The following CDH4 variants were observed in gnomAD, a reference collection of about 807,000 sequenced individuals.
CDH4 encodes cadherin-4.
Under a neutral mutation model 86.0 loss-of-function variants are expected in CDH4, and 33 were observed. The observed-to-expected ratio is 0.38, with a 90% CI of 0.29 to 0.51. CDH4 has a LOEUF of 0.51. Ranked by LOEUF, CDH4 falls within the 20% of genes least tolerant of loss-of-function variation. CDH4 has a pLI of 0.86. For missense variants in CDH4, 1,114 were observed against 1,307.4 expected, an observed-to-expected ratio of 0.85 and a Z score of 2.28; for synonymous variants, 555 against 549.4, an observed-to-expected ratio of 1.01 and a Z score of -0.14.
At chr20:61,452,004 C>T (rs1315180834) in intron 2 of CDH4, among the ~76,000 whole-genome samples, 3 of 152,324 alleles carry the variant, frequency 2.0e-5, no homozygotes, top group African/African-American at 4.8e-5. Flanking sequence ...GACATCCACC[C>T]CTTCAGTGTC....
intron 2 of CDH4, among the ~76,000 whole-genome samples, chr20:61,654,428 G>GGAGACC (rs1437229302): frequency 6.6e-6 from 1 of 152,150 alleles, no homozygotes; most frequent in Non-Finnish European, 1.5e-5. Flanking sequence ...AGAGGGAGAG[G>GGAGACC]GAGACCGTGG....
chr20:61,563,002 C>T (rs570431320), intron 2 of CDH4, among the ~76,000 whole-genome samples: 2 of 152,346 alleles, frequency 1.3e-5, no homozygotes, highest in Non-Finnish European at 1.5e-5. Context: ...TGGCCCTGCA[C>T]TGTGCTCACA....
rs370528799 is a variant in CDH4 at position 61,583,011 on chromosome 20, G to A, written c.170-160552G>A. On this transcript the variant is annotated intron_variant, in intron 2 of 15. Coordinates refer to ENST00000614565, the MANE Select transcript of CDH4 (RefSeq NM_001794.5). ...TCGACTTCCCTGTTCTGGGCACTGCGCATGAGAGAATTGTACAGTGTGTGG... is the reference window on the plus strand; with the variant it reads ...TCGACTTCCCTGTTCTGGGCACTGCACATGAGAGAATTGTACAGTGTGTGG... Among the ~76,000 whole-genome samples, 8 of 151,938 alleles carry A rather than the reference G, an allele frequency of 5.3e-5. No homozygotes were observed. In the East Asian group the frequency reaches 7.8e-4, roughly 15 times the overall value.
chr20:61,371,637 G>A (rs114488967), intron 2 of CDH4, among the ~76,000 whole-genome samples: 4 of 152,192 alleles, frequency 2.6e-5, no homozygotes, highest in Admixed American at 6.5e-5. Flanking sequence ...TGCGGGCCCC[G>A]AGCCCCTACC....
chr20:61,886,422 T>C (rs1057145293), intron 7 of CDH4, among the ~76,000 whole-genome samples: 10 of 152,246 alleles, frequency 6.6e-5, no homozygotes, highest in Non-Finnish European at 4.4e-5. Context: ...CACTGTGGTT[T>C]TCTTCCCTCC....
At chr20:61,654,436 TG>T (rs1182457240) in intron 2 of CDH4, among the ~76,000 whole-genome samples, 2 of 152,084 alleles carry the variant, frequency 1.3e-5, no homozygotes, top group East Asian at 1.9e-4. Flanking sequence ...AGGGAGACCG[TG>T]GGGAGAGGGA....
At chr20:61,747,009 C>T (rs34048310) in intron 3 of CDH4, among the ~76,000 whole-genome samples, 10,205 of 152,296 alleles carry the variant, frequency 0.067, 446 homozygotes, top group South Asian at 0.16. Context: ...GTGCATCTCC[C>T]CCAGTGTGAA....
intron 7 of CDH4, among the ~76,000 whole-genome samples, chr20:61,884,988 C>A (rs1198347701): frequency 6.6e-6 from 1 of 152,096 alleles, no homozygotes; most frequent in African/African-American, 2.4e-5. Context: ...AAGGGTCAGT[C>A]TGCAGGCCCA....
At chr20:61,647,556 T>TCTCTCTCTCTCTCC (rs1568731977) in intron 2 of CDH4, among the ~76,000 whole-genome samples, 8 of 105,874 alleles carry the variant, frequency 7.6e-5, no homozygotes, top group African/African-American at 2.8e-4. Flanking sequence ...CCTCTCCCTC[T>TCTCTCTCTCTCTCC]CCCTCTCCCT....
At chr20:61,627,315 C>G (rs568433709) in intron 2 of CDH4, among the ~76,000 whole-genome samples, 2 of 152,290 alleles carry the variant, frequency 1.3e-5, no homozygotes, top group South Asian at 4.2e-4. Flanking sequence ...TAGGTGCCAG[C>G]CTGCCTGCCG....
intron 4 of CDH4, among the ~76,000 whole-genome samples, chr20:61,834,055 C>T (rs928124705): frequency 2.4e-4 from 36 of 152,318 alleles, no homozygotes; most frequent in South Asian, 8.3e-4. Context: ...CATTGGTCCA[C>T]GTGGGGTCCC....
intron 2 of CDH4, among the ~76,000 whole-genome samples, chr20:61,526,304 A>G (rs1249517736): frequency 6.6e-6 from 1 of 152,090 alleles, no homozygotes; most frequent in Non-Finnish European, 1.5e-5. Flanking sequence ...ACTTAACTTT[A>G]TGCAGAAGGA....
rs535075398 is a variant in CDH4, at chr20:61,873,856, G to A, written c.1006G>A (p.Glu336Lys). ...CCAGAATATGTTCACCATCAACAGC[G>A]AGACTGGAGATATCGTCACAGTGGC... The part of the protein sequence containing the change: ...PSQNMFTINS[E>K]TGDIVTVAAG... Residue 336 changes from glutamate to lysine, a missense_variant, in exon 7 of 16, where the codon GAG becomes AAG. Physicochemically the swap from Glu to Lys is moderately conservative, Grantham distance 56. Around this residue, in one of 3 missense-constraint regions of CDH4, gnomAD observed 705 missense variants for 914.1 expected, o/e 0.77. Transcript: ENST00000614565. The A allele has an allele frequency of 9.9e-5, 160 of 1,614,114 alleles. No individual in the cohort carries two copies. The highest frequency in any genetic ancestry group is 1.3e-4 in the Non-Finnish European group (156 of 1,180,028).
chr20:61,520,026 G>A (rs1033162423), intron 2 of CDH4, among the ~76,000 whole-genome samples: 16 of 152,182 alleles, frequency 1.1e-4, no homozygotes, highest in African/African-American at 3.4e-4. Context: ...ACAGACTTGC[G>A]TGTGTCAGTT....
At chr20:61,828,347 A>G (rs995497462) in intron 4 of CDH4, among the ~76,000 whole-genome samples, 169 of 152,284 alleles carry the variant, frequency 1.1e-3, no homozygotes, top group African/African-American at 3.9e-3. Context: ...TGGCCTCTGG[A>G]TCTTACCACC....
At chr20:61,904,910 T>A (rs1213878841) in intron 8 of CDH4, among the ~76,000 whole-genome samples, 1 of 152,254 alleles carries the variant, frequency 6.6e-6, no homozygotes, top group African/African-American at 2.4e-5. Flanking sequence ...GGGTGGGTTT[T>A]TCCTGAAACA....
At chr20:61,858,022 C>T (rs1232145929) in intron 6 of CDH4, among the ~76,000 whole-genome samples, 3 of 102,406 alleles carry the variant, frequency 2.9e-5, no homozygotes, top group South Asian at 3.4e-4. Flanking sequence ...TCTGTGTCTG[C>T]ATCTGTGTGT....
chr20:61,354,363 G>A (rs895611225), intron 2 of CDH4, among the ~76,000 whole-genome samples: 4 of 152,158 alleles, frequency 2.6e-5, no homozygotes, highest in South Asian at 2.1e-4. Flanking sequence ...TCCTGGCAAC[G>A]TGACCTCTCT....
intron 2 of CDH4, among the ~76,000 whole-genome samples, chr20:61,697,659 TCCAGAACCCA>T (rs1461852137): frequency 1.1e-4 from 17 of 152,150 alleles, no homozygotes; most frequent in Admixed American, 6.5e-5. Context: ...CTCCCTGTGT[TCCAGAACCCA>T]GCAGGGTTCC....
Sources: allele counts gnomAD v4.1 joint callset (sites outside exome capture counted in the v4.1 genomes callset), GRCh38; gene constraint gnomAD v4.1.1; regional missense constraint gnomAD v4.1.1; transcripts MANE v1.5; gene names NCBI Gene and HGNC (gene_info 2026-07-23, HGNC 2026-07-21).